SLC27A1: variants seen among roughly 807,000 people sequenced by gnomAD.
The protein encoded by SLC27A1 is solute carrier family 27 member 1.
In SLC27A1, 61 loss-of-function variants were observed where a neutral mutation model predicts 62.2. That is an observed-to-expected ratio of 0.98 (90% CI 0.80 to 1.21). The LOEUF is 1.21. Among genes scored for constraint, SLC27A1 ranks in the 50% most tolerant of loss-of-function variants. The pLI, the probability that SLC27A1 is intolerant of heterozygous loss-of-function variation, is 0.00. For synonymous variants in SLC27A1, 435 were observed against 408.6 expected (o/e 1.06, Z -0.78); for missense variants, 903 against 932.1 (o/e 0.97, Z 0.41).
intron 7 of SLC27A1, chr19:17,499,140 G>A (rs912219143): frequency 5.3e-5 from 11 of 208,688 alleles, no homozygotes; most frequent in African/African-American, 1.7e-4. Flanking sequence ...TCCCTTTCCC[G>A]GTCCACTAAG....
chr19:17,469,667 G>A (rs1197131603), upstream of SLC27A1, among the ~76,000 whole-genome samples: 3 of 152,108 alleles, frequency 2.0e-5, no homozygotes, highest in African/African-American at 7.2e-5. Context: ...GGCCGGCCTC[G>A]GCTCTGCGGG....
chr19:17,488,075 C>T (rs1056710884), intron 4 of SLC27A1, among the ~76,000 whole-genome samples: 3 of 152,130 alleles, frequency 2.0e-5, no homozygotes, highest in Non-Finnish European at 2.9e-5. Flanking sequence ...AACCCTCTCT[C>T]GGGCTAGGCG....
intron 1 of SLC27A1, among the ~76,000 whole-genome samples, chr19:17,473,465 A>C (rs2075095419): frequency 6.6e-6 from 1 of 152,206 alleles, no homozygotes; most frequent in South Asian, 2.1e-4. Context: ...TCAGACTCAA[A>C]CCTGCTTGTC....
At position 17,504,436 on chromosome 19, in the gene SLC27A1, C is replaced by G. The variant is rs562168059; in HGVS notation, c.1784-19C>G. ...AAGCCACCTGCTCAGCCCTTATCTG[C>G]CCCCCATCCCCACTATAGGCACCTT... On this transcript the variant is annotated intron_variant, in intron 11 of 11. Coordinates refer to ENST00000252595, the MANE Select transcript of SLC27A1 (RefSeq NM_198580.3). 2 of 1,613,682 alleles carry G rather than the reference C, an allele frequency of 1.2e-6. No homozygotes were observed. The highest frequency in any genetic ancestry group is 3.3e-5 in the Admixed American group (2 of 59,986).
Position 17,485,001 on chromosome 19 carries a change from A to G in SLC27A1, c.168-1562A>G, listed in dbSNP as rs552233877. Among the ~76,000 whole-genome samples the G allele has an allele frequency of 2.3e-4, 35 of 151,662 alleles. No homozygotes were observed. In the South Asian group the frequency reaches 7.3e-3, roughly 32 times the overall value. ...CAGGGCCAGGTACTACAACAAACAC[A>G]CCCCACATTCCAGTGGCTTACCCCA... On this transcript the variant is annotated intron_variant, in intron 1 of 11. Coordinates refer to ENST00000252595, the MANE Select transcript of SLC27A1 (RefSeq NM_198580.3).
rs1358093802 is a variant in SLC27A1 at position 17,506,005 on chromosome 19, CGGCCACCCA to C, written c.*1398_*1406del. The C allele has an allele frequency of 6.6e-6, 1 of 152,302 alleles. No homozygotes were observed. Among genetic ancestry groups the C allele is most frequent in the Non-Finnish European group, 1.5e-5 (1 of 68,118 alleles). 9.4% of individuals were successfully genotyped at this position (152,302 alleles called of 1,614,324 possible). Reference sequence around the variant, plus strand: ...ACATCCACGCCAGCCTTTCTGGGGCCGGCCACCCAGGCCGCCTGTCCGTCTGTCCTCCCT... The same window carrying C: ...ACATCCACGCCAGCCTTTCTGGGGCCGGCCGCCTGTCCGTCTGTCCTCCCT... On this transcript the variant is annotated 3_prime_UTR_variant, in exon 12 of 12. Transcript: ENST00000252595.
At chr19:17,480,114 A>G (rs999086580) in intron 1 of SLC27A1, among the ~76,000 whole-genome samples, 1 of 151,626 alleles carries the variant, frequency 6.6e-6, no homozygotes, top group Admixed American at 6.6e-5. Context: ...TGCAACCTCC[A>G]CCTCCCAGGT....
rs769337142 is a variant in SLC27A1 at position 17,487,309 on chromosome 19, C to T, written c.698C>T (p.Ala233Val). Residue 233 changes from alanine to valine, a missense_variant, in exon 3 of 12, where the codon GCA becomes GTA. Physicochemically the swap from Ala to Val is moderately conservative, Grantham distance 64 (BLOSUM62 0). Transcript: ENST00000252595. ...LLKEASTAPLAQIPSKGMDDR... is the reference protein window; with the variant it reads ...LLKEASTAPLVQIPSKGMDDR... Reference sequence around the variant, plus strand: ...AAGGAGGCCTCTACTGCCCCCTTGGCACAGATCCCCAGCAAGGGCATGGAC... The same window carrying T: ...AAGGAGGCCTCTACTGCCCCCTTGGTACAGATCCCCAGCAAGGGCATGGAC... 6 of 1,612,456 alleles carry T rather than the reference C, an allele frequency of 3.7e-6. No individual in the cohort carries two copies. Among genetic ancestry groups the T allele is most frequent in the Non-Finnish European group, 5.1e-6 (6 of 1,179,502 alleles).
rs552053791 is a variant in SLC27A1, at chr19:17,474,631, T to C, written c.167+3924T>C. Among the ~76,000 whole-genome samples the C allele has an allele frequency of 2.8e-4, 38 of 135,558 alleles. No individual in the cohort carries two copies. The South Asian group carries it at 4.2e-3, about 15-fold the overall frequency. The allele number at this position is 135,558 out of a possible 152,430, so 88.9% of individuals were successfully genotyped here. ...GCTGGACCTAGTGACCCCTTTCTTT[T>C]TTTTTTTTTTTTTTTTGAGATGGGA... On this transcript the variant is annotated intron_variant, in intron 1 of 11. Coordinates refer to ENST00000252595, the MANE Select transcript of SLC27A1 (RefSeq NM_198580.3).
At chr19:17,497,198 TC>T (rs959524232) in intron 6 of SLC27A1, 56 bp from the exon 7 acceptor site, 1 of 1,466,246 alleles carries the variant, frequency 6.8e-7, no homozygotes, top group Non-Finnish European at 9.2e-7. Context: ...TCTCCTCTGA[TC>T]CGGGCTCCCC....
At chr19:17,473,315 G>A (rs1481586017) in intron 1 of SLC27A1, among the ~76,000 whole-genome samples, 2 of 152,204 alleles carry the variant, frequency 1.3e-5, no homozygotes, top group Non-Finnish European at 2.9e-5. Flanking sequence ...GTCATCGATC[G>A]AGATTTCACC....
chr19:17,502,562 C>T (rs1275424764), intron 11 of SLC27A1, among the ~76,000 whole-genome samples: 1 of 151,710 alleles, frequency 6.6e-6, no homozygotes, highest in Non-Finnish European at 1.5e-5. Flanking sequence ...CCATATTGGC[C>T]AGGCTGGTCT....
chr19:17,475,170 C>T (rs1044923444), intron 1 of SLC27A1, among the ~76,000 whole-genome samples: 4 of 152,326 alleles, frequency 2.6e-5, no homozygotes, highest in Middle Eastern at 3.4e-3. Flanking sequence ...CTGCCTTGGC[C>T]TCCCAGAATG....
At chr19:17,485,824 C>CA (rs750109989) in intron 1 of SLC27A1, among the ~76,000 whole-genome samples, 142 of 143,288 alleles carry the variant, frequency 9.9e-4, no homozygotes, top group African/African-American at 1.9e-3. Context: ...GACTCCGTCT[C>CA]AAAAAAAAAA....
intron 1 of SLC27A1, among the ~76,000 whole-genome samples, chr19:17,475,651 G>A (rs987667930): frequency 2.0e-5 from 3 of 152,206 alleles, no homozygotes; most frequent in African/African-American, 7.2e-5. Context: ...TCCAGAGCAT[G>A]TGCTCTTAGC....
At chr19:17,482,676 G>A (rs1251576121) in intron 1 of SLC27A1, among the ~76,000 whole-genome samples, 1 of 150,948 alleles carries the variant, frequency 6.6e-6, no homozygotes, top group Non-Finnish European at 1.5e-5. Context: ...AAAAAAAAAG[G>A]GTGGGGAGAG....
chr19:17,472,508 C>G (rs2075086740), intron 1 of SLC27A1, among the ~76,000 whole-genome samples: 1 of 152,014 alleles, frequency 6.6e-6, no homozygotes, highest in African/African-American at 2.4e-5. Context: ...CCTAGCTGCA[C>G]TTACCTTTTG....
At chr19:17,494,185 A>C (rs1385783080) in intron 6 of SLC27A1, among the ~76,000 whole-genome samples, 1 of 145,956 alleles carries the variant, frequency 6.9e-6, no homozygotes, top group Non-Finnish European at 1.5e-5. Context: ...CACCTGGCTA[A>C]TTTTTTTTTT....
chr19:17,498,666 C>A, intron 7 of SLC27A1: 1 of 241,948 alleles, frequency 4.1e-6, no homozygotes, highest in South Asian at 1.5e-4. Context: ...CCCGGGGGAC[C>A]ACTACCACCA....
Sources: gnomAD v4.1 joint callset for allele counts (sites outside exome capture counted in the v4.1 genomes callset) on GRCh38, gnomAD v4.1.1 for gene constraint, MANE v1.5 for transcripts, NCBI Gene and HGNC (gene_info 2026-07-23, HGNC 2026-07-21) for gene names.